PTCHD1: variants seen among roughly 807,000 people sequenced by gnomAD.
The protein encoded by PTCHD1 is patched domain containing 1, also known as patched domain-containing protein 1.
In PTCHD1, 3 loss-of-function variants were observed where a neutral mutation model predicts 34.6. The ratio of observed to expected loss-of-function variants is 0.09; its 90% CI spans 0.04 to 0.22. The LOEUF (loss-of-function observed/expected upper bound fraction) is 0.22, where lower values mean the gene tolerates loss of function less well. Ranked by LOEUF, PTCHD1 falls within the 10% of genes least tolerant of loss-of-function variation. The pLI, the probability that PTCHD1 is intolerant of heterozygous loss-of-function variation, is 1.00. For missense variants in PTCHD1, 504 were observed against 685.5 expected, an observed-to-expected ratio of 0.74 and a Z score of 2.96; for synonymous variants, 305 against 283.1, an observed-to-expected ratio of 1.08 and a Z score of -0.77.
chrX:23,377,573 G>GGGGT lies in PTCHD1; in HGVS notation c.352-2016_352-2013dup, dbSNP rs1429730456. 4.8e-5 allele frequency among the ~76,000 whole-genome samples: 4 copies of GGGGT among 83,415 alleles called. No individual in the cohort carries two copies. The South Asian group carries it at 2.5e-3, about 51-fold the overall frequency. The allele number at this position is 83,415 out of a possible 115,157, so 72.4% of individuals were successfully genotyped here. A position where few individuals can be genotyped will look rare whatever the true frequency, so the allele number is the denominator to read the frequency against. The stretch of plus-strand genomic sequence containing the variant: ...ATTAGGCTGTGAAAATAGCCTCCTA[G>GGGGT]GGGTGTGTGTGTGTGTGTGTGTGTG... On this transcript the variant is annotated intron_variant, in intron 1 of 2. Transcript: ENST00000379361.
At position 23,393,209 on chromosome X, in the gene PTCHD1, T is replaced by C. The variant is rs778279517; in HGVS notation, c.1691T>C (p.Ile564Thr). The change falls in exon 3 of 3, where the codon ATA becomes ACA. Residue 564 changes from isoleucine to threonine, a missense_variant. Physicochemically the swap from Ile to Thr is moderately conservative, Grantham distance 89. Coordinates refer to ENST00000379361, the MANE Select transcript of PTCHD1 (RefSeq NM_173495.3). The stretch of plus-strand genomic sequence containing the variant: ...ATTGGGTTTTACATATATGAGTCTA[T>C]AGAATACTGGAACACTAGTGTCCAA... Reference protein sequence around the residue: ...PVIGFYIYESIEYWNTSVQED... With the variant: ...PVIGFYIYESTEYWNTSVQED... 2 of 1,208,989 alleles carry C rather than the reference T, an allele frequency of 1.7e-6. No homozygotes were observed.
intron 1 of PTCHD1, among the ~76,000 whole-genome samples, chrX:23,354,430 C>CAGAGAG (rs3032246): frequency 1.6e-4 from 16 of 98,757 alleles, no homozygotes; most frequent in African/African-American, 5.3e-4. Flanking sequence ...TTATTTTACA[C>CAGAGAG]AGAGAGAGAG....
At chrX:23,386,981 G>T (rs187615714) in intron 2 of PTCHD1, among the ~76,000 whole-genome samples, 2 of 112,046 alleles carry the variant, frequency 1.8e-5, no homozygotes, top group Non-Finnish European at 3.8e-5. Context: ...GCACCCAGCG[G>T]CATCTCTCAG....
intron 1 of PTCHD1, among the ~76,000 whole-genome samples, chrX:23,361,229 G>C (rs898306360): frequency 9.0e-6 from 1 of 111,518 alleles, no homozygotes; most frequent in African/African-American, 3.3e-5. Context: ...TCATTGATCT[G>C]TCTAATATTG....
Position 23,394,123 on chromosome X carries a change from G to A in PTCHD1, c.2605G>A (p.Glu869Lys). 8.3e-7 allele frequency: 1 copy of A among 1,210,237 alleles called. No individual in the cohort carries two copies. The highest frequency in any genetic ancestry group is 1.1e-6 in the Non-Finnish European group (1 of 894,825). ...KKNPENREEI[E>K]CVEMVDIDST... Reference sequence around the variant, plus strand: ...AAATCCTGAGAACCGGGAGGAAATTGAGTGTGTAGAAATGGTAGATATCGA... The same window carrying A: ...AAATCCTGAGAACCGGGAGGAAATTAAGTGTGTAGAAATGGTAGATATCGA... The change falls in exon 3 of 3, where the codon GAG becomes AAG. Residue 869 changes from glutamate (E) to lysine (K), a missense_variant. Coordinates refer to ENST00000379361, the MANE Select transcript of PTCHD1 (RefSeq NM_173495.3).
chrX:23,379,651 C>A lies in PTCHD1; in HGVS notation c.412C>A (p.His138Asn), dbSNP rs1922504392. ...PRPGFNYTFA[H>N]ICILNNDKTC... Reference sequence around the variant, plus strand: ...GCCTGGTTTTAATTACACGTTTGCCCATATATGTATCCTGAATAATGATAA... The same window carrying A: ...GCCTGGTTTTAATTACACGTTTGCCAATATATGTATCCTGAATAATGATAA... The change falls in exon 2 of 3, where the codon CAT (histidine) becomes AAT (asparagine). Residue 138 changes from histidine (H) to asparagine (N), a missense_variant. Transcript: ENST00000379361. 1 of 1,209,114 alleles carries A rather than the reference C, an allele frequency of 8.3e-7. No homozygotes were observed. The highest frequency in any genetic ancestry group is 1.8e-5 in the African/African-American group (1 of 57,003).
In PTCHD1 at chrX:23,394,207, T is replaced by C. The variant is rs1341675363; in HGVS notation, c.*22T>C. The stretch of plus-strand genomic sequence containing the variant: ...GTGATAATGTCTGCTTGGCATATTT[T>C]CACCTTAGGTCTTATCAAGACCAAA... On this transcript the variant is annotated 3_prime_UTR_variant, in exon 3 of 3. Transcript: ENST00000379361. 8 of 1,054,417 alleles carry C rather than the reference T, an allele frequency of 7.6e-6. No homozygotes were observed. Among genetic ancestry groups the C allele is most frequent in the Non-Finnish European group, 5.3e-6 (4 of 756,367 alleles). The allele number at this position is 1,054,417 out of a possible 1,213,427, so 86.9% of individuals were successfully genotyped here.
chrX:23,351,783 GC>G (rs1921642292), intron 1 of PTCHD1, among the ~76,000 whole-genome samples: 1 of 112,024 alleles, frequency 8.9e-6, no homozygotes, highest in African/African-American at 3.2e-5. Flanking sequence ...TTGGTTCAGC[GC>G]TAGGATAGAA....
intron 1 of PTCHD1, among the ~76,000 whole-genome samples, chrX:23,364,228 A>G (rs1458504374): frequency 5.4e-5 from 6 of 110,814 alleles, no homozygotes; most frequent in Non-Finnish European, 9.4e-5. Flanking sequence ...AGGACATGAG[A>G]GGGCCCTCTG....
intron 1 of PTCHD1, among the ~76,000 whole-genome samples, chrX:23,373,611 A>G (rs183907518): frequency 8.9e-6 from 1 of 112,739 alleles, no homozygotes; most frequent in Non-Finnish European, 1.9e-5. Flanking sequence ...GTTCTGATGT[A>G]ATGCATTTCT....
In PTCHD1 at chrX:23,393,035, T is replaced by C; in HGVS notation, c.1517T>C (p.Leu506Pro). 1 of 1,211,814 alleles carries C rather than the reference T, an allele frequency of 8.3e-7. No individual in the cohort carries two copies. The highest frequency in any genetic ancestry group is 1.1e-6 in the Non-Finnish European group (1 of 895,367). The change falls in exon 3 of 3, where the codon CTC becomes CCC. Residue 506 changes from leucine to proline, a missense_variant. Leu to Pro is a moderately conservative substitution (Grantham distance 98). Coordinates refer to ENST00000379361, the MANE Select transcript of PTCHD1 (RefSeq NM_173495.3). ...TNTYVKPFVV[L>P]FYLIYISFAL... ...ACCTATGTCAAGCCTTTTGTAGTTC[T>C]CTTTTACCTTATTTATATTTCCTTT...
intron 1 of PTCHD1, among the ~76,000 whole-genome samples, chrX:23,344,449 C>T (rs1226588183): frequency 1.8e-5 from 2 of 112,351 alleles, no homozygotes; most frequent in African/African-American, 6.5e-5. Flanking sequence ...CTTTCAAAGC[C>T]ATTATTGCCT....
At chrX:23,346,083 C>T (rs1270021103) in intron 1 of PTCHD1, among the ~76,000 whole-genome samples, 2 of 111,859 alleles carry the variant, frequency 1.8e-5, no homozygotes, top group African/African-American at 3.3e-5. Flanking sequence ...CCAAAGCTTT[C>T]GTTCTTCCAA....
At chrX:23,357,296 T>C (rs1191766187) in intron 1 of PTCHD1, among the ~76,000 whole-genome samples, 1 of 111,837 alleles carries the variant, frequency 8.9e-6, no homozygotes, top group Non-Finnish European at 1.9e-5. Flanking sequence ...GGTGCCTAGT[T>C]TCAGACATCA....
chrX:23,377,927 G>A (rs1423503427), intron 1 of PTCHD1, among the ~76,000 whole-genome samples: 1 of 112,063 alleles, frequency 8.9e-6, no homozygotes, highest in Non-Finnish European at 1.9e-5. Flanking sequence ...ATGAGTTGTA[G>A]TGGCACAGCT....
intron 1 of PTCHD1, among the ~76,000 whole-genome samples, chrX:23,376,361 A>G (rs1008196156): frequency 2.7e-5 from 3 of 111,759 alleles, no homozygotes; most frequent in Admixed American, 1.9e-4. Context: ...ACAAGCTTAT[A>G]TGGATCGCAG....
chrX:23,368,641 C>A (rs530408556), intron 1 of PTCHD1, among the ~76,000 whole-genome samples: 20 of 111,943 alleles, frequency 1.8e-4, no homozygotes, highest in African/African-American at 5.8e-4. Context: ...CTATAAGACC[C>A]CCAACTTCAA....
chrX:23,394,201 A>G lies in PTCHD1; in HGVS notation c.*16A>G, dbSNP rs1195763754. On this transcript the variant is annotated 3_prime_UTR_variant, in exon 3 of 3. Transcript: ENST00000379361. ...AACAGTGTGATAATGTCTGCTTGGCATATTTTCACCTTAGGTCTTATCAAG... is the reference window on the plus strand; with the variant it reads ...AACAGTGTGATAATGTCTGCTTGGCGTATTTTCACCTTAGGTCTTATCAAG... 3.6e-6 allele frequency: 4 copies of G among 1,106,628 alleles called. No individual in the cohort carries two copies. In the African/African-American group the frequency reaches 5.6e-5, roughly 15 times the overall value. The allele number at this position is 1,106,628 out of a possible 1,213,427, so 91.2% of individuals were successfully genotyped here.
chrX:23,374,296 AAAAAAAAAAAAAAC>A (rs1216356155), intron 1 of PTCHD1, among the ~76,000 whole-genome samples: 5 of 98,769 alleles, frequency 5.1e-5, no homozygotes, highest in East Asian at 6.4e-4. Context: ...AAAAAAAAAA[AAAAAAAAAAAAAAC>A]CCAAAACCCT....
Sources: gnomAD v4.1 joint callset for allele counts (sites outside exome capture counted in the v4.1 genomes callset) on GRCh38, gnomAD v4.1.1 for gene constraint, MANE v1.5 for transcripts, NCBI Gene and HGNC (gene_info 2026-07-23, HGNC 2026-07-21) for gene names.